The following SMOC2 variants were observed in gnomAD, a reference collection of about 807,000 sequenced individuals.
The protein encoded by SMOC2 is SPARC related modular calcium binding 2, also known as SPARC-related modular calcium-binding protein 2.
SMOC2 carries 39 observed loss-of-function variants against 61.4 expected under a neutral mutation model. The ratio of observed to expected loss-of-function variants is 0.64; its 90% CI spans 0.49 to 0.83. The LOEUF (loss-of-function observed/expected upper bound fraction) is 0.83. SMOC2 is among the 40% of genes least tolerant of loss of function. The probability of loss-of-function intolerance (pLI) is 0.00; values close to 1 mark genes in which losing one functional copy is unlikely to be tolerated. For missense variants in SMOC2, 556 were observed against 592.9 expected, an observed-to-expected ratio of 0.94 and a Z score of 0.65; for synonymous variants, 247 against 239.9, an observed-to-expected ratio of 1.03 and a Z score of -0.27.
At chr6:168,644,929 C>T (rs1786985336) in intron 9 of SMOC2, among the ~76,000 whole-genome samples, 1 of 152,040 alleles carries the variant, frequency 6.6e-6, no homozygotes, top group South Asian at 2.1e-4. Context: ...GGATTACAGG[C>T]GTGAGCCACC....
intron 9 of SMOC2, among the ~76,000 whole-genome samples, chr6:168,635,236 G>A (rs1172778484): frequency 6.6e-6 from 1 of 152,208 alleles, no homozygotes; most frequent in East Asian, 1.9e-4. Context: ...TTAAAAGGCA[G>A]GATAAAGGGT....
At chr6:168,456,841 T>C (rs1241036369) in intron 1 of SMOC2, among the ~76,000 whole-genome samples, 1 of 152,172 alleles carries the variant, frequency 6.6e-6, no homozygotes, top group Non-Finnish European at 1.5e-5. Flanking sequence ...GGAAGAAGCC[T>C]GGGCTGCTCC....
chr6:168,650,707 TTTC>T lies in SMOC2; in HGVS notation c.936_938del (p.Phe312del). On this transcript the variant is annotated inframe_deletion, in exon 10 of 13. Coordinates refer to ENST00000356284, the MANE Select transcript of SMOC2 (RefSeq NM_001166412.2). ...TTGTCCGGGTGCCAAAAAGCATGAG[TTTC>T]TGACCAGCGTTCTGGACGCGCTGTC... 1.2e-6 allele frequency: 2 copies of T among 1,613,782 alleles called. No homozygotes were observed. Among genetic ancestry groups the T allele is most frequent in the Non-Finnish European group, 1.7e-6 (2 of 1,179,958 alleles).
intron 7 of SMOC2, among the ~76,000 whole-genome samples, chr6:168,577,136 T>C (rs897605832): frequency 6.6e-6 from 1 of 152,214 alleles, no homozygotes; most frequent in Non-Finnish European, 1.5e-5. Flanking sequence ...TTTCTTCTCA[T>C]CTCTGTAAGA....
intron 1 of SMOC2, among the ~76,000 whole-genome samples, chr6:168,494,087 GAC>G (rs1782532750): frequency 6.6e-6 from 1 of 152,170 alleles, no homozygotes; most frequent in South Asian, 2.1e-4. Context: ...TTCTTGGTTT[GAC>G]ATTATTCCAG....
chr6:168,456,496 C>T (rs1016756414), intron 1 of SMOC2, among the ~76,000 whole-genome samples: 2 of 152,178 alleles, frequency 1.3e-5, no homozygotes, highest in African/African-American at 2.4e-5. Context: ...GAGACCCTCA[C>T]GGCACCCCAG....
chr6:168,664,015 A>G, intron 11 of SMOC2, 59 bp from the exon 12 acceptor site: 2 of 1,423,192 alleles, frequency 1.4e-6, no homozygotes, highest in East Asian at 2.3e-5. Context: ...ATTGTGTTGA[A>G]CCTTTCATTA....
At chr6:168,444,416 A>G (rs2114987539) in intron 1 of SMOC2, among the ~76,000 whole-genome samples, 1 of 152,244 alleles carries the variant, frequency 6.6e-6, no homozygotes, top group East Asian at 1.9e-4. Context: ...TTTATGTTTA[A>G]GATTCAGAGA....
intron 8 of SMOC2, among the ~76,000 whole-genome samples, chr6:168,601,311 C>G (rs1177764829): frequency 6.6e-6 from 1 of 152,206 alleles, no homozygotes; most frequent in East Asian, 1.9e-4. Context: ...GGCCAGCGCT[C>G]CACCGTCCGG....
At chr6:168,570,374 C>T (rs1784637635) in intron 7 of SMOC2, among the ~76,000 whole-genome samples, 3 of 152,124 alleles carry the variant, frequency 2.0e-5, no homozygotes, top group Admixed American at 2.0e-4. Flanking sequence ...GGCTGAGGCC[C>T]ACCGCGGGGG....
chr6:168,527,326 C>T (rs1178036476), intron 3 of SMOC2, among the ~76,000 whole-genome samples: 3 of 152,166 alleles, frequency 2.0e-5, no homozygotes, highest in Non-Finnish European at 4.4e-5. Flanking sequence ...TTTCCCCACT[C>T]ATAAGATGAG....
intron 2 of SMOC2, among the ~76,000 whole-genome samples, chr6:168,519,493 G>A (rs541325154): frequency 7.2e-5 from 11 of 152,232 alleles, no homozygotes; most frequent in Middle Eastern, 3.4e-3. Flanking sequence ...GTTTGGGAGC[G>A]CCCTTCCTCA....
chr6:168,460,410 T>C (rs1404986095), intron 1 of SMOC2, among the ~76,000 whole-genome samples: 3 of 152,244 alleles, frequency 2.0e-5, no homozygotes, highest in Non-Finnish European at 4.4e-5. Flanking sequence ...CACATGACTT[T>C]CTTAGAACAT....
chr6:168,517,768 G>C (rs1001354103), intron 2 of SMOC2, among the ~76,000 whole-genome samples: 4 of 152,224 alleles, frequency 2.6e-5, no homozygotes, highest in African/African-American at 2.4e-5. Flanking sequence ...AGACTCTGAC[G>C]GGTGAGGCGC....
chr6:168,549,777 C>A (rs893907610), intron 7 of SMOC2, among the ~76,000 whole-genome samples: 2 of 152,090 alleles, frequency 1.3e-5, no homozygotes, highest in African/African-American at 4.8e-5. Context: ...TTTTTAAATT[C>A]GGCATTTTAA....
At chr6:168,493,859 T>C (rs1207287737) in intron 1 of SMOC2, among the ~76,000 whole-genome samples, 2 of 152,228 alleles carry the variant, frequency 1.3e-5, no homozygotes, top group East Asian at 3.8e-4. Context: ...TTTAACTGTC[T>C]TTATCTTTTC....
rs1787233933 is a variant in SMOC2, at chr6:168,652,983, T to G, written c.1040T>G (p.Leu347Arg). The G allele has an allele frequency of 6.2e-7, 1 of 1,613,724 alleles. No individual in the cohort carries two copies. Among genetic ancestry groups the G allele is most frequent in the African/African-American group, 1.3e-5 (1 of 74,820 alleles). The change falls in exon 11 of 13, where the codon CTA becomes CGA. Residue 347 changes from leucine to arginine, a missense_variant. Physicochemically the swap from Leu to Arg is moderately radical, Grantham distance 102. Coordinates refer to ENST00000356284, the MANE Select transcript of SMOC2 (RefSeq NM_001166412.2). Reference protein sequence around the residue: ...RLSEPDPSHTLEERVVHWYFK... With the variant: ...RLSEPDPSHTREERVVHWYFK... Reference sequence around the variant, plus strand: ...TCAGAACCCGACCCCAGCCATACCCTAGAGGAGCGGGTGGTGCACTGGTAC... The same window carrying G: ...TCAGAACCCGACCCCAGCCATACCCGAGAGGAGCGGGTGGTGCACTGGTAC...
intron 1 of SMOC2, among the ~76,000 whole-genome samples, chr6:168,456,212 C>T (rs1365586653): frequency 6.6e-6 from 1 of 152,252 alleles, no homozygotes. Context: ...AAGAGGGTCC[C>T]ACACACATCG....
At chr6:168,443,210 G>T (rs1007916849) in intron 1 of SMOC2, among the ~76,000 whole-genome samples, 15 of 152,304 alleles carry the variant, frequency 9.8e-5, no homozygotes, top group Admixed American at 8.5e-4. Flanking sequence ...TGTGTGTGTG[G>T]GGGGTGGGGT....
Sources: allele counts gnomAD v4.1 joint callset (sites outside exome capture counted in the v4.1 genomes callset), GRCh38; gene constraint gnomAD v4.1.1; transcripts MANE v1.5; gene names NCBI Gene and HGNC (gene_info 2026-07-23, HGNC 2026-07-21).